DNAJC13: variants seen among roughly 807,000 people sequenced by gnomAD.
The protein encoded by DNAJC13 is DnaJ heat shock protein family (Hsp40) member C13.
A neutral mutation model predicts 290.5 loss-of-function variants in DNAJC13; 75 were observed. The observed-to-expected ratio is 0.26, with a 90% CI of 0.21 to 0.31. DNAJC13 has a LOEUF of 0.31. Among genes scored for constraint, DNAJC13 ranks in the 10% least tolerant of loss-of-function variants. The probability of loss-of-function intolerance (pLI) is 1.00; values close to 1 mark genes in which losing one functional copy is unlikely to be tolerated. For synonymous variants in DNAJC13, 862 were observed against 892.0 expected (o/e 0.97, Z 0.60); for missense variants, 2,260 against 2,674.5 (o/e 0.85, Z 3.42).
intron 28 of DNAJC13, 47 bp from the exon 29 acceptor site, chr3:132,484,541 A>C: frequency 1.3e-6 from 2 of 1,573,212 alleles, no homozygotes; most frequent in Middle Eastern, 1.7e-4. Flanking sequence ...TGAACATACA[A>C]ATTTTAACAA....
intron 33 of DNAJC13, among the ~76,000 whole-genome samples, chr3:132,493,177 C>T (rs1166589196): frequency 2.0e-5 from 3 of 151,828 alleles, no homozygotes; most frequent in African/African-American, 7.3e-5. Flanking sequence ...GCGACCTGCT[C>T]ATTGTAAAAC....
At chr3:132,519,904 C>T (rs1936034177) in intron 48 of DNAJC13, among the ~76,000 whole-genome samples, 2 of 152,052 alleles carry the variant, frequency 1.3e-5, no homozygotes, top group Non-Finnish European at 2.9e-5. Flanking sequence ...GCTGGGGAGG[C>T]CTCACAATCA....
At chr3:132,495,327 G>A (rs1323410933) in intron 35 of DNAJC13, among the ~76,000 whole-genome samples, 161 bp downstream of exon 35, 1 of 152,122 alleles carries the variant, frequency 6.6e-6, no homozygotes, top group Non-Finnish European at 1.5e-5. Flanking sequence ...TTTCTGCATG[G>A]ATGATGCTCC....
At position 132,507,677 on chromosome 3, in the gene DNAJC13, G is replaced by A. The variant is rs181067982; in HGVS notation, c.5115+324G>A. Among the ~76,000 whole-genome samples the A allele has an allele frequency of 2.8e-4, 43 of 152,116 alleles. 2 individuals are homozygous for A. The highest frequency in any genetic ancestry group is 1.8e-3 in the Admixed American group (28 of 15,294). Reference sequence around the variant, plus strand: ...TCTTGCTAATTGTTTACATAAGATCGTGAAGTTCATCAATAGTGAACTTCA... The same window carrying A: ...TCTTGCTAATTGTTTACATAAGATCATGAAGTTCATCAATAGTGAACTTCA... On this transcript the variant is annotated intron_variant, in intron 43 of 55. Transcript: ENST00000260818.
chr3:132,434,428 C>T (rs1939325034), intron 1 of DNAJC13, 110 bp from the exon 2 acceptor site: 3 of 642,390 alleles, frequency 4.7e-6, no homozygotes, highest in Admixed American at 2.8e-5. Flanking sequence ...AAAGGATATA[C>T]GGCAGGCTGT....
chr3:132,448,560 A>G (rs1300851239), intron 5 of DNAJC13, among the ~76,000 whole-genome samples: 1 of 152,156 alleles, frequency 6.6e-6, no homozygotes, highest in Non-Finnish European at 1.5e-5. Context: ...CTCTTGAGAT[A>G]TTAAATTTCT....
chr3:132,497,266 C>G (rs1047751259), intron 36 of DNAJC13, among the ~76,000 whole-genome samples: 3 of 152,192 alleles, frequency 2.0e-5, no homozygotes, highest in African/African-American at 4.8e-5. Context: ...GTAGCCCTAA[C>G]AGTAGCAGTC....
At chr3:132,423,652 G>T (rs62292893) in intron 1 of DNAJC13, among the ~76,000 whole-genome samples, 5,065 of 152,266 alleles carry the variant, frequency 0.033, 121 homozygotes, top group Non-Finnish European at 0.054. Context: ...GAAGAGGTAG[G>T]AATAATAGGG....
chr3:132,456,154 A>C, intron 9 of DNAJC13, 81 bp from the exon 10 acceptor site: 1 of 1,304,694 alleles, frequency 7.7e-7, no homozygotes, highest in East Asian at 2.3e-5. Context: ...TTACCTGCTA[A>C]AGGGCCTATG....
intron 45 of DNAJC13, among the ~76,000 whole-genome samples, chr3:132,513,526 C>G (rs371642437): frequency 6.6e-6 from 1 of 152,118 alleles, no homozygotes; most frequent in African/African-American, 2.4e-5. Flanking sequence ...CCTTGTCCCT[C>G]CCCCGCAGTT....
In DNAJC13 at chr3:132,472,049, G is replaced by A. The variant is rs567879467; in HGVS notation, c.2209-1096G>A. Among the ~76,000 whole-genome samples the A allele has an allele frequency of 7.7e-3, 1,161 of 150,222 alleles. 17 individuals are homozygous for A. The highest frequency in any genetic ancestry group is 0.012 in the Non-Finnish European group (798 of 67,396). On this transcript the variant is annotated intron_variant, in intron 20 of 55. Transcript: ENST00000260818. ...CACTCGCGGTTAGGGGCTGGAGACC[G>A]GCCCGGCCAACACAGCGAAACCCCG...
Position 132,523,658 on chromosome 3 carries a change from T to C in DNAJC13, c.6005T>C (p.Phe2002Ser). 1 of 1,614,034 alleles carries C rather than the reference T, an allele frequency of 6.2e-7. No homozygotes were observed. The highest frequency in any genetic ancestry group is 8.5e-7 in the Non-Finnish European group (1 of 1,179,958). The change falls in exon 51 of 56, where the codon TTT (phenylalanine) becomes TCT (serine). Residue 2002 changes from phenylalanine (F) to serine (S), a missense_variant. By Grantham distance (155) the Phe-to-Ser change is radical. Coordinates refer to ENST00000260818, the MANE Select transcript of DNAJC13 (RefSeq NM_015268.4). Reference sequence around the variant, plus strand: ...TGGGTTCTAAGAAAGCCTAGAGAATTTCTTATTGCCCTGTTAGAAAAATTA... The same window carrying C: ...TGGGTTCTAAGAAAGCCTAGAGAATCTCTTATTGCCCTGTTAGAAAAATTA... Reference protein sequence around the residue: ...PAWVLRKPREFLIALLEKLTE... With the variant: ...PAWVLRKPRESLIALLEKLTE...
Position 132,516,959 on chromosome 3 carries a change from G to A in DNAJC13, c.5673+143G>A, listed in dbSNP as rs1197832741. 4 of 706,854 alleles carry A rather than the reference G, an allele frequency of 5.7e-6. No individual in the cohort carries two copies. In the African/African-American group the frequency reaches 7.2e-5, roughly 13 times the overall value. The allele number at this position is 706,854 out of a possible 1,614,324, so 43.8% of individuals were successfully genotyped here. ...TGAAAGTTGGAAAATTCACATTCCG[G>A]GAATTGTTCCTATGTATTACTGTTT... On this transcript the variant is annotated intron_variant, in intron 48 of 55. Transcript: ENST00000260818.
intron 7 of DNAJC13, 39 bp downstream of exon 7, chr3:132,453,543 G>C: frequency 6.2e-7 from 1 of 1,609,106 alleles, no homozygotes; most frequent in Middle Eastern, 1.7e-4. Context: ...TTGTTCACCT[G>C]ATTTTGACGT....
chr3:132,529,576 A>G (rs926563476), intron 54 of DNAJC13, among the ~76,000 whole-genome samples: 4 of 152,150 alleles, frequency 2.6e-5, no homozygotes, highest in Admixed American at 1.3e-4. Flanking sequence ...TCACGAGGTC[A>G]GGAGATCAAG....
At chr3:132,514,990 A>G (rs1221247656) in intron 46 of DNAJC13, among the ~76,000 whole-genome samples, 1 of 152,184 alleles carries the variant, frequency 6.6e-6, no homozygotes, top group Admixed American at 6.5e-5. Context: ...GTAATCTTGG[A>G]TGATAGAAAA....
intron 43 of DNAJC13, among the ~76,000 whole-genome samples, chr3:132,508,940 T>C (rs984699207): frequency 6.6e-6 from 1 of 152,214 alleles, no homozygotes; most frequent in African/African-American, 2.4e-5. Flanking sequence ...TCGTTGGCAA[T>C]GCACCTGGTC....
chr3:132,465,690 GT>G (rs1299539571), intron 17 of DNAJC13, among the ~76,000 whole-genome samples: 1 of 151,542 alleles, frequency 6.6e-6, no homozygotes, highest in East Asian at 1.9e-4. Context: ...AAATCTAATT[GT>G]TTTTGTTGTT....
rs753311894 is a variant in DNAJC13 at position 132,466,372 on chromosome 3, G to C, written c.2042G>C (p.Arg681Thr). The C allele has an allele frequency of 6.3e-7, 1 of 1,598,076 alleles. No homozygotes were observed. ...AAGGATGCTGATCGGATGCATGTTA[G>C]AGACAATGTGAAAATAGCAATGGTA... is the stretch of plus-strand genomic sequence containing the variant. ...PEKDADRMHV[R>T]DNVKIAMDQY... Residue 681 changes from arginine (R) to threonine (T), a missense_variant, in exon 19 of 56, where the codon AGA becomes ACA. Physicochemically the swap from Arg to Thr is moderately conservative, Grantham distance 71. Transcript: ENST00000260818.
Sources: gnomAD v4.1 joint callset for allele counts (sites outside exome capture counted in the v4.1 genomes callset) on GRCh38, gnomAD v4.1.1 for gene constraint, MANE v1.5 for transcripts, NCBI Gene and HGNC (gene_info 2026-07-23, HGNC 2026-07-21) for gene names.